DNAI1: variants seen among roughly 807,000 people sequenced by gnomAD.
DNAI1 encodes dynein axonemal intermediate chain 1, also known as dynein, axonemal, intermediate polypeptide 1.
DNAI1 carries 67 observed loss-of-function variants against 92.0 expected under a neutral mutation model. The observed-to-expected ratio is 0.73, with a 90% CI of 0.60 to 0.89. The LOEUF (loss-of-function observed/expected upper bound fraction) is 0.89, where lower values mean the gene tolerates loss of function less well. Ranked by LOEUF, DNAI1 falls within the 40% of genes least tolerant of loss-of-function variation. The pLI is 0.00. For synonymous variants in DNAI1, 323 were observed against 319.6 expected (o/e 1.01, Z -0.11); for missense variants, 839 against 866.6 (o/e 0.97, Z 0.40).
rs138412741 is a variant in DNAI1, at chr9:34,512,215, G to A, written c.1401+17G>A. 9.2e-3 allele frequency: 14,782 copies of A among 1,613,914 alleles called. 83 individuals are homozygous for A. Among genetic ancestry groups the A allele is most frequent in the Non-Finnish European group, 0.01 (12,132 of 1,179,762 alleles). On this transcript the variant is annotated intron_variant, in intron 14 of 19. Coordinates refer to ENST00000242317, the MANE Select transcript of DNAI1 (RefSeq NM_012144.4). ...CTCGTGAAGGTGCCTATTTCCCAGA[G>A]AGGGTCACACTGGGGTGATTGGGGA... is the stretch of plus-strand genomic sequence containing the variant.
intron 4 of DNAI1, among the ~76,000 whole-genome samples, chr9:34,486,213 C>A (rs1157907504): frequency 6.6e-6 from 1 of 152,150 alleles, no homozygotes; most frequent in Non-Finnish European, 1.5e-5. Flanking sequence ...TATTCTGAGA[C>A]CCATTTGTTC....
At chr9:34,495,616 G>A (rs1051764720) in intron 9 of DNAI1, among the ~76,000 whole-genome samples, 2 of 152,188 alleles carry the variant, frequency 1.3e-5, no homozygotes, top group African/African-American at 4.8e-5. Flanking sequence ...GGAGTCACCC[G>A]AGGAAGTGCT....
intron 12 of DNAI1, 106 bp from the exon 13 acceptor site, chr9:34,506,515 ACAGATG>A: frequency 7.0e-7 from 1 of 1,425,526 alleles, no homozygotes; most frequent in Non-Finnish European, 9.7e-7. Flanking sequence ...CCACACTCTG[ACAGATG>A]CAGAGCAGGG....
chr9:34,520,647 C>T lies in DNAI1; in HGVS notation c.2002-11C>T. On this transcript the variant is annotated splice_polypyrimidine_tract_variant and intron_variant, in intron 19 of 19. Transcript: ENST00000242317. ...CCATTCCTCCCTCATGTATACTTTCCCTCTCCCCAGGAAAAGAAGGGGCAG... is the reference window on the plus strand; with the variant it reads ...CCATTCCTCCCTCATGTATACTTTCTCTCTCCCCAGGAAAAGAAGGGGCAG... 1 of 1,551,276 alleles carries T rather than the reference C, an allele frequency of 6.4e-7. No individual in the cohort carries two copies. The highest frequency in any genetic ancestry group is 1.2e-5 in the South Asian group (1 of 84,042).
intron 1 of DNAI1, among the ~76,000 whole-genome samples, chr9:34,475,336 C>G (rs1393506308): frequency 6.6e-6 from 1 of 152,204 alleles, no homozygotes; most frequent in African/African-American, 2.4e-5. Context: ...AAGGAGGATG[C>G]AGCATCTGTG....
At chr9:34,508,304 G>A (rs1824983015) in intron 13 of DNAI1, among the ~76,000 whole-genome samples, 1 of 152,214 alleles carries the variant, frequency 6.6e-6, no homozygotes, top group Non-Finnish European at 1.5e-5. Flanking sequence ...CAGGGGCCAT[G>A]GTGCCCTCTC....
chr9:34,517,549 G>A, intron 19 of DNAI1, 82 bp downstream of exon 19: 1 of 1,541,998 alleles, frequency 6.5e-7, no homozygotes, highest in Non-Finnish European at 8.9e-7. Context: ...AAGCCAGGGT[G>A]ACCACCCAGT....
chr9:34,485,845 A>G (rs550869395), intron 4 of DNAI1, among the ~76,000 whole-genome samples: 2 of 152,322 alleles, frequency 1.3e-5, no homozygotes, highest in South Asian at 4.1e-4. Context: ...TGAGTCTTCA[A>G]AAGCTGAGTT....
chr9:34,473,832 C>T (rs1441149884), intron 1 of DNAI1, among the ~76,000 whole-genome samples: 1 of 151,812 alleles, frequency 6.6e-6, no homozygotes, highest in Non-Finnish European at 1.5e-5. Flanking sequence ...TCAAGTGATC[C>T]TCCCACCTCA....
chr9:34,510,790 C>G (rs1172459488), intron 13 of DNAI1, among the ~76,000 whole-genome samples: 2 of 152,152 alleles, frequency 1.3e-5, no homozygotes, highest in African/African-American at 4.8e-5. Flanking sequence ...GTCCCCTCCC[C>G]CCTTTAAAGG....
intron 1 of DNAI1, among the ~76,000 whole-genome samples, chr9:34,473,034 A>T (rs890050434): frequency 6.6e-6 from 1 of 152,164 alleles, no homozygotes; most frequent in African/African-American, 2.4e-5. Context: ...TTGTATGTAT[A>T]TGCAAATACA....
chr9:34,459,086 C>G lies in DNAI1; in HGVS notation c.48+33C>G. On this transcript the variant is annotated intron_variant, in intron 1 of 19. Transcript: ENST00000242317. ...ACGCACACCTTCCTTCTGATGACCT[C>G]TGACCTTCGTCGTCGCCAGTGACCA... The G allele has an allele frequency of 1.9e-6, 3 of 1,604,988 alleles. No individual in the cohort carries two copies. The South Asian group carries it at 3.3e-5, about 18-fold the overall frequency.
chr9:34,491,996 A>T (rs1456831421), intron 8 of DNAI1, among the ~76,000 whole-genome samples: 1 of 151,686 alleles, frequency 6.6e-6, no homozygotes, highest in Admixed American at 6.6e-5. Context: ...GGATGGCCAC[A>T]CTTATTTGAA....
intron 1 of DNAI1, among the ~76,000 whole-genome samples, chr9:34,477,100 T>C (rs957468231): frequency 7.9e-5 from 12 of 152,078 alleles, no homozygotes; most frequent in African/African-American, 2.9e-4. Flanking sequence ...ACTGCAGCCT[T>C]GAATTCCTGA....
intron 4 of DNAI1, among the ~76,000 whole-genome samples, chr9:34,487,780 A>G (rs538566224): frequency 7.2e-5 from 11 of 152,234 alleles, no homozygotes; most frequent in Non-Finnish European, 1.3e-4. Flanking sequence ...ACCTTACCCA[A>G]CCTCCCAATA....
intron 1 of DNAI1, among the ~76,000 whole-genome samples, chr9:34,463,703 A>T (rs141420829): frequency 6.6e-6 from 1 of 152,356 alleles, no homozygotes; most frequent in East Asian, 1.9e-4. Context: ...GGAATTTTAC[A>T]TCATTCTCCT....
At chr9:34,482,803 G>C (rs376193617) in intron 1 of DNAI1, among the ~76,000 whole-genome samples, 15 of 152,250 alleles carry the variant, frequency 9.9e-5, no homozygotes, top group African/African-American at 3.6e-4. Flanking sequence ...ACTGGGCGCC[G>C]TGGAGCAGAG....
intron 1 of DNAI1, among the ~76,000 whole-genome samples, chr9:34,473,034 A>G (rs890050434): frequency 1.3e-5 from 2 of 152,164 alleles, no homozygotes; most frequent in African/African-American, 2.4e-5. Flanking sequence ...TTGTATGTAT[A>G]TGCAAATACA....
chr9:34,485,179 A>G lies in DNAI1; in HGVS notation c.119A>G (p.Asp40Gly), dbSNP rs553371109. 4.7e-5 allele frequency: 76 copies of G among 1,614,216 alleles called. No individual in the cohort carries two copies. The South Asian group carries it at 8.2e-4, about 17-fold the overall frequency. ...DSGTEVGEGT[D>G]EWAQSKATVR... ...GGGACTGAAGTGGGAGAAGGCACAG[A>G]TGAATGGGCCCAATCCAAAGCCACA... Residue 40 changes from aspartate (D) to glycine (G), a missense_variant, in exon 3 of 20, where the codon GAT (aspartate) becomes GGT (glycine). Physicochemically the swap from Asp to Gly is moderately conservative, Grantham distance 94. Transcript: ENST00000242317.
Sources: allele counts gnomAD v4.1 joint callset (sites outside exome capture counted in the v4.1 genomes callset), GRCh38; gene constraint gnomAD v4.1.1; transcripts MANE v1.5; gene names NCBI Gene and HGNC (gene_info 2026-07-23, HGNC 2026-07-21).